Variants in PTPRN2 observed in about 807,000 individuals in gnomAD.
The protein encoded by PTPRN2 is protein tyrosine phosphatase receptor type N2, also known as receptor-type tyrosine-protein phosphatase N2.
PTPRN2 carries 74 observed loss-of-function variants against 118.8 expected under a neutral mutation model. The observed-to-expected ratio is 0.62, with a 90% CI of 0.52 to 0.76. The LOEUF (loss-of-function observed/expected upper bound fraction) is 0.76, where lower values mean the gene tolerates loss of function less well. PTPRN2 is among the 30% of genes least tolerant of loss of function. The probability of loss-of-function intolerance (pLI) is 0.00; values close to 1 mark genes in which losing one functional copy is unlikely to be tolerated. For synonymous variants in PTPRN2, 641 were observed against 608.0 expected (o/e 1.05, Z -0.80); for missense variants, 1,481 against 1,394.4 (o/e 1.06, Z -0.99).
At chr7:157,719,922 AG>A (rs1799139150) in intron 12 of PTPRN2, among the ~76,000 whole-genome samples, 1 of 152,032 alleles carries the variant, frequency 6.6e-6, no homozygotes, top group South Asian at 2.1e-4. Context: ...TGAGTCCTTA[AG>A]TCTGAGGCAT....
chr7:157,972,686 G>A (rs4716855), intron 11 of PTPRN2, among the ~76,000 whole-genome samples: 241 of 88,124 alleles, frequency 2.7e-3, no homozygotes, highest in Middle Eastern at 7.1e-3. Flanking sequence ...ACGAGAGCAG[G>A]GCTTCAGAGA....
At chr7:157,589,876 G>A (rs960846675) in intron 17 of PTPRN2, among the ~76,000 whole-genome samples, 2 of 152,234 alleles carry the variant, frequency 1.3e-5, no homozygotes, top group Non-Finnish European at 2.9e-5. Flanking sequence ...GCTGACAGCG[G>A]CGGCGTGGAT....
chr7:158,281,582 G>A (rs902115141), intron 3 of PTPRN2, among the ~76,000 whole-genome samples: 2 of 152,244 alleles, frequency 1.3e-5, no homozygotes, highest in African/African-American at 4.8e-5. Flanking sequence ...GCTCGGGTGT[G>A]TGGTGTGCGT....
intron 16 of PTPRN2, 44 bp from the exon 17 acceptor site, chr7:157,595,359 G>A (rs1436100477): frequency 1.7e-6 from 2 of 1,208,348 alleles, no homozygotes; most frequent in Non-Finnish European, 1.1e-6. Flanking sequence ...CAGGAGATTA[G>A]GAAGCCTGGA....
chr7:157,914,151 CCTCT>C lies in PTPRN2; in HGVS notation c.1724-15418_1724-15415del, dbSNP rs1313344969. 6.6e-5 allele frequency among the ~76,000 whole-genome samples: 10 copies of C among 152,266 alleles called. No homozygotes were observed. The East Asian group carries it at 1.7e-3, about 26-fold the overall frequency. ...TTCTCAATATTGTTTATGATTCCCT[CCTCT>C]CTTTTTTAAAATCACTTATGACAAA... On this transcript the variant is annotated intron_variant, in intron 11 of 22. Coordinates refer to ENST00000389418, the MANE Select transcript of PTPRN2 (RefSeq NM_002847.5).
At chr7:158,244,800 TTGTG>T (rs200186266) in intron 3 of PTPRN2, among the ~76,000 whole-genome samples, 2,355 of 149,832 alleles carry the variant, frequency 0.016, 70 homozygotes, top group African/African-American at 0.055. Context: ...TGAGTGTGAG[TTGTG>T]TGTGAGAGTG....
chr7:158,580,313 T>C (rs1346008067), intron 1 of PTPRN2, among the ~76,000 whole-genome samples: 1 of 152,256 alleles, frequency 6.6e-6, no homozygotes, highest in Non-Finnish European at 1.5e-5. Context: ...ATTTACAAGT[T>C]GAATGTATTT....
At position 158,225,943 on chromosome 7, in the gene PTPRN2, C is replaced by T. The variant is rs547548000; in HGVS notation, c.278-20670G>A. Among the ~76,000 whole-genome samples the T allele has an allele frequency of 2.4e-4, 36 of 151,894 alleles. 1 individual carries two copies. In the South Asian group the frequency reaches 4.2e-3, roughly 18 times the overall value. On this transcript the variant is annotated intron_variant, in intron 3 of 22. Coordinates refer to ENST00000389418, the MANE Select transcript of PTPRN2 (RefSeq NM_002847.5). ...GGGGAGTTGCATAGTCACAGGAGGA[C>T]GTCAAAGCTACATCAGGAAGCACCG... is the stretch of plus-strand genomic sequence containing the variant.
intron 5 of PTPRN2, among the ~76,000 whole-genome samples, chr7:158,173,709 GAC>G (rs1231699214): frequency 2.6e-5 from 4 of 152,152 alleles, no homozygotes; most frequent in Non-Finnish European, 5.9e-5. Flanking sequence ...AACTGCATAA[GAC>G]AGACACTCCC....
chr7:158,197,829 T>C (rs1285877613), intron 4 of PTPRN2, among the ~76,000 whole-genome samples: 1 of 152,154 alleles, frequency 6.6e-6, no homozygotes, highest in East Asian at 1.9e-4. Context: ...GACAGCCACC[T>C]CCATGATTCA....
At chr7:157,878,540 C>T (rs111745854) in intron 12 of PTPRN2, among the ~76,000 whole-genome samples, 8 of 108,072 alleles carry the variant, frequency 7.4e-5, no homozygotes, top group Admixed American at 3.0e-4. Flanking sequence ...TGGGGCTTGA[C>T]GGGTCAGTGT....
At chr7:158,043,109 G>A (rs1808591327) in intron 11 of PTPRN2, among the ~76,000 whole-genome samples, 1 of 152,116 alleles carries the variant, frequency 6.6e-6, no homozygotes, top group South Asian at 2.1e-4. Context: ...TACTCGGGAG[G>A]CTAAGGCAGG....
chr7:157,669,733 T>C (rs755703), intron 13 of PTPRN2, among the ~76,000 whole-genome samples: 96,193 of 152,104 alleles, frequency 0.63, 30,728 homozygotes, highest in African/African-American at 0.67. Flanking sequence ...CTTCTAAATG[T>C]GGAACAGTCT....
chr7:157,548,866 TC>T lies in PTPRN2; in HGVS notation c.2976+79del, dbSNP rs1230164669. The T allele has an allele frequency of 2.0e-5, 27 of 1,350,198 alleles. No individual in the cohort carries two copies. In the African/African-American group the frequency reaches 3.3e-4, roughly 17 times the overall value. The allele number at this position is 1,350,198 out of a possible 1,614,324, so 83.6% of individuals were successfully genotyped here. On this transcript the variant is annotated intron_variant, in intron 22 of 22. Transcript: ENST00000389418. ...GTGCGGCTCACATTAAACCAGGCCC[TC>T]CCCGTGCTCCTCTCAGGAACACGGC...
At chr7:157,666,028 A>T (rs1278241440) in intron 13 of PTPRN2, among the ~76,000 whole-genome samples, 2 of 152,188 alleles carry the variant, frequency 1.3e-5, no homozygotes, top group African/African-American at 4.8e-5. Context: ...AGAAATACCT[A>T]ATGTAAATGA....
In PTPRN2 at chr7:158,565,018, ACTCTAAAAAG is replaced by A. The variant is rs1168190713; in HGVS notation, c.112+22530_112+22539del. 6.6e-6 allele frequency among the ~76,000 whole-genome samples: 1 copy of A among 152,124 alleles called. No homozygotes were observed. Among genetic ancestry groups the A allele is most frequent in the East Asian group, 1.9e-4 (1 of 5,184 alleles). On this transcript the variant is annotated intron_variant, in intron 1 of 22. Transcript: ENST00000389418. The surrounding 1 kb of genome is among the most constrained non-coding windows in gnomAD (Gnocchi z 4.6). ...TGCCCCACGTAACGGCTTTACACAAACTCTAAAAAGTCATCCCAGCCATGCATGGACCCAG... is the reference window on the plus strand; with the variant it reads ...TGCCCCACGTAACGGCTTTACACAAATCATCCCAGCCATGCATGGACCCAG...
Position 158,527,950 on chromosome 7 carries a change from T to C in PTPRN2, c.113-38165A>G, listed in dbSNP as rs538676316. Among the ~76,000 whole-genome samples the C allele has an allele frequency of 9.2e-5, 14 of 152,262 alleles. No homozygotes were observed. In the East Asian group the frequency reaches 2.7e-3, roughly 29 times the overall value. ...CCACCTACCTGTGTTGCTTGTGCTA[T>C]GTCTGTTGGTTTAAAGCCCATCTCT... is the stretch of plus-strand genomic sequence containing the variant. On this transcript the variant is annotated intron_variant, in intron 1 of 22. Coordinates refer to ENST00000389418, the MANE Select transcript of PTPRN2 (RefSeq NM_002847.5).
At chr7:157,937,917 G>A (rs890239543) in intron 11 of PTPRN2, among the ~76,000 whole-genome samples, 3 of 144,550 alleles carry the variant, frequency 2.1e-5, no homozygotes, top group Non-Finnish European at 3.0e-5. Flanking sequence ...TCGTGACTAT[G>A]TGACATGTTC....
At chr7:158,051,561 T>C (rs1386108476) in intron 11 of PTPRN2, among the ~76,000 whole-genome samples, 6 of 152,258 alleles carry the variant, frequency 3.9e-5, no homozygotes, top group Non-Finnish European at 8.8e-5. Flanking sequence ...TCTGTCTGTC[T>C]GTCTCAGGAA....
Sources: allele counts gnomAD v4.1 joint callset (sites outside exome capture counted in the v4.1 genomes callset), GRCh38; gene constraint gnomAD v4.1.1; non-coding constraint Gnocchi (gnomAD v3.1); transcripts MANE v1.5; gene names NCBI Gene and HGNC (gene_info 2026-07-23, HGNC 2026-07-21).